ITGAD: variants seen among roughly 807,000 people sequenced by gnomAD.
ITGAD encodes the protein integrin alpha-D.
A neutral mutation model predicts 139.0 loss-of-function variants in ITGAD; 105 were observed. That is an observed-to-expected ratio of 0.76 (90% CI 0.65 to 0.89). The LOEUF is 0.89. Among genes scored for constraint, ITGAD ranks in the 40% least tolerant of loss-of-function variants. The pLI, the probability that ITGAD is intolerant of heterozygous loss-of-function variation, is 0.00. For synonymous variants in ITGAD, 569 were observed against 598.3 expected (o/e 0.95, Z 0.71); for missense variants, 1,384 against 1,487.3 (o/e 0.93, Z 1.14).
At chr16:31,412,023 C>T (rs1407128027) in intron 14 of ITGAD, among the ~76,000 whole-genome samples, 1 of 151,990 alleles carries the variant, frequency 6.6e-6, no homozygotes, top group Non-Finnish European at 1.5e-5. Context: ...CCCAAAGAGC[C>T]CCCTTCTCTG....
intron 2 of ITGAD, among the ~76,000 whole-genome samples, chr16:31,396,969 G>T (rs535603807): frequency 6.7e-6 from 1 of 149,968 alleles, no homozygotes; most frequent in East Asian, 2.0e-4. Flanking sequence ...AACTTGAGAT[G>T]ATCTTATTTC....
rs145399519 is a variant in ITGAD, at chr16:31,414,246, G to GCCAGCCAT, written c.1997-202_1997-201insGCCATCCA. Among the ~76,000 whole-genome samples the GCCAGCCAT allele has an allele frequency of 1.6e-4, 24 of 148,750 alleles. No homozygotes were observed. In the South Asian group the frequency reaches 5.0e-3, roughly 31 times the overall value. On this transcript the variant is annotated intron_variant, in intron 16 of 29. Coordinates refer to ENST00000389202, the MANE Select transcript of ITGAD (RefSeq NM_005353.3). ...CTATCATCTATTTATCTATTATCTAGCCATCCATCCATCCATCCATCCATC... is the reference window on the plus strand; with the variant it reads ...CTATCATCTATTTATCTATTATCTAGCCAGCCATCCATCCATCCATCCATCCATCCATC...
chr16:31,413,071 C>T lies in ITGAD; in HGVS notation c.1839-18C>T, dbSNP rs2081775999. The T allele has an allele frequency of 1.2e-6, 2 of 1,613,750 alleles. No individual in the cohort carries two copies. The highest frequency in any genetic ancestry group is 1.3e-5 in the African/African-American group (1 of 74,908). Reference sequence around the variant, plus strand: ...CCAGAAGCCAGTGTTCTGTCCTCCCCACTACTCTGCCCCTCAGGAGTCTGC... The same window carrying T: ...CCAGAAGCCAGTGTTCTGTCCTCCCTACTACTCTGCCCCTCAGGAGTCTGC... On this transcript the variant is annotated intron_variant, in intron 15 of 29. Transcript: ENST00000389202.
rs1427548176 is a variant in ITGAD, at chr16:31,424,150, G to A, written c.3208G>A (p.Asp1070Asn). The A allele has an allele frequency of 4.3e-6, 7 of 1,614,070 alleles. No homozygotes were observed. The highest frequency in any genetic ancestry group is 2.7e-5 in the African/African-American group (2 of 74,896). The change falls in exon 28 of 30, where the codon GAC (aspartate) becomes AAC (asparagine). Residue 1070 changes from aspartate (D) to asparagine (N), a missense_variant. By Grantham distance (23) the Asp-to-Asn change is conservative. Coordinates refer to ENST00000389202, the MANE Select transcript of ITGAD (RefSeq NM_005353.3). The stretch of plus-strand genomic sequence containing the variant: ...CGTGAGTGTGGCTGAAATTACGTTC[G>A]ACACATCCGTGTACTCCCAGCTTCC... Reference protein sequence around the residue: ...LVVSVAEITFDTSVYSQLPGQ... With the variant: ...LVVSVAEITFNTSVYSQLPGQ...
chr16:31,411,128 G>T lies in ITGAD; in HGVS notation c.1409G>T (p.Gly470Val), dbSNP rs1443642022. The T allele has an allele frequency of 6.2e-7, 1 of 1,613,254 alleles. No homozygotes were observed. The highest frequency in any genetic ancestry group is 1.3e-5 in the African/African-American group (1 of 74,850). ...TGCTCTGTGGATGTGGACAGCGATG[G>T]CAGCACCGACCTGATCCTCATTGGG... ...SLCSVDVDSDGSTDLILIGAP... is the reference protein window; with the variant it reads ...SLCSVDVDSDVSTDLILIGAP... The change falls in exon 13 of 30, where the codon GGC becomes GTC. Residue 470 changes from glycine (G) to valine (V), a missense_variant. Gly to Val is a moderately radical substitution (Grantham distance 109). Coordinates refer to ENST00000389202, the MANE Select transcript of ITGAD (RefSeq NM_005353.3).
rs59637215 is a variant in ITGAD, at chr16:31,395,317, C to CA, written c.137+987dup. ...CCTAGGTGACAGAGTGAGACTCCGT[C>CA]AAAAAAAAAAAGTCATGGGAGAAGG... On this transcript the variant is annotated intron_variant, in intron 2 of 29. Transcript: ENST00000389202. 5.7e-3 allele frequency among the ~76,000 whole-genome samples: 833 copies of CA among 145,464 alleles called. 2 individuals carry two copies. The highest frequency in any genetic ancestry group is 0.014 in the Middle Eastern group (4 of 282).
rs2081579983 is a variant in ITGAD, at chr16:31,407,874, A to G, written c.967A>G (p.Ser323Gly). ...GGTGGACAACTTTGCAGCCCTTGGCAGCATCCAGAAGCAGCTGCAGGAGAA... is the reference window on the plus strand; with the variant it reads ...GGTGGACAACTTTGCAGCCCTTGGCGGCATCCAGAAGCAGCTGCAGGAGAA... ...FKVDNFAALG[S>G]IQKQLQEKIY... The change falls in exon 9 of 30, where the codon AGC (serine) becomes GGC (glycine). Residue 323 changes from serine to glycine, a missense_variant. By Grantham distance (56) the Ser-to-Gly change is moderately conservative. Coordinates refer to ENST00000389202, the MANE Select transcript of ITGAD (RefSeq NM_005353.3). 6.3e-7 allele frequency: 1 copy of G among 1,599,118 alleles called. No individual in the cohort carries two copies. Among genetic ancestry groups the G allele is most frequent in the Non-Finnish European group, 8.6e-7 (1 of 1,167,476 alleles).
intron 20 of ITGAD, 131 bp downstream of exon 20, chr16:31,416,777 A>G: frequency 1.2e-6 from 1 of 831,076 alleles, no homozygotes; most frequent in Non-Finnish European, 1.8e-6. Context: ...ACACACACAC[A>G]TACACACAGA....
chr16:31,408,064 T>G, intron 9 of ITGAD, 148 bp downstream of exon 9: 2 of 796,384 alleles, frequency 2.5e-6, no homozygotes, highest in Non-Finnish European at 3.9e-6. Context: ...CTCTGCCTCC[T>G]GGGTTCAAGT....
intron 29 of ITGAD, 39 bp from the exon 30 acceptor site, chr16:31,425,976 C>G (rs773383619): frequency 6.9e-7 from 1 of 1,444,352 alleles, no homozygotes; most frequent in Admixed American, 1.7e-5. Flanking sequence ...CCACCGGGCC[C>G]GGACTTACCC....
intron 14 of ITGAD, among the ~76,000 whole-genome samples, chr16:31,411,779 G>C (rs2081724258): frequency 6.6e-6 from 1 of 152,242 alleles, no homozygotes; most frequent in Admixed American, 6.5e-5. Context: ...TGTGGCCTTA[G>C]GCAGGTGACT....
intron 1 of ITGAD, 85 bp downstream of exon 1, chr16:31,393,476 C>T (rs899213465): frequency 1.1e-5 from 16 of 1,424,600 alleles, no homozygotes; most frequent in South Asian, 5.7e-5. Context: ...GGCTGGTGGT[C>T]GGCTCCAACC....
chr16:31,406,976 G>C (rs1342848838), intron 7 of ITGAD, among the ~76,000 whole-genome samples: 3 of 152,334 alleles, frequency 2.0e-5, no homozygotes, highest in Middle Eastern at 3.4e-3. Context: ...CTGGGGAAGA[G>C]AGTTCAGCCA....
Position 31,407,805 on chromosome 16 carries a change from C to T in ITGAD, c.898C>T (p.Leu300=). The T allele has an allele frequency of 1.2e-6, 2 of 1,613,962 alleles. No individual in the cohort carries two copies. Among genetic ancestry groups the T allele is most frequent in the South Asian group, 2.2e-5 (2 of 91,078 alleles). ...AFQGPTARQE[L]NTISSAPPQD... The stretch of plus-strand genomic sequence containing the variant: ...CCAGGGACCCACTGCCAGGCAGGAG[C>T]TGAATACCATCAGCTCAGCGCCTCC... The change falls in exon 9 of 30, where the codon CTG becomes TTG. Residue 300 remains leucine, a synonymous_variant. Coordinates refer to ENST00000389202, the MANE Select transcript of ITGAD (RefSeq NM_005353.3).
Position 31,407,686 on chromosome 16 carries a change from C to T in ITGAD, c.858+18C>T, listed in dbSNP as rs1290067379. The T allele has an allele frequency of 6.2e-6, 10 of 1,613,684 alleles. No homozygotes were observed. The highest frequency in any genetic ancestry group is 3.3e-4 in the Middle Eastern group (2 of 6,058). On this transcript the variant is annotated intron_variant, in intron 8 of 29. Transcript: ENST00000389202. ...CTATCGGGGTGCGCCTCTTCTTCACCCCTGCCCCAGGCTCAGCCTGCATCT... is the reference window on the plus strand; with the variant it reads ...CTATCGGGGTGCGCCTCTTCTTCACTCCTGCCCCAGGCTCAGCCTGCATCT...
Position 31,397,346 on chromosome 16 carries a change from G to T in ITGAD, c.138-13G>T. On this transcript the variant is annotated splice_polypyrimidine_tract_variant and intron_variant, in intron 2 of 29. Transcript: ENST00000389202. ...CTGTGGCTGCAGTGACATGGCCATG[G>T]TTGTGTCTCCAGACTCGTGGTGGGA... 6.4e-7 allele frequency: 1 copy of T among 1,570,312 alleles called. No individual in the cohort carries two copies. Among genetic ancestry groups the T allele is most frequent in the Non-Finnish European group, 8.7e-7 (1 of 1,154,040 alleles).
At chr16:31,397,143 T>C (rs528135651) in intron 2 of ITGAD, among the ~76,000 whole-genome samples, 13 of 148,502 alleles carry the variant, frequency 8.8e-5, no homozygotes, top group Non-Finnish European at 1.8e-4. Context: ...TACGTACTTA[T>C]GCACACTCAA....
chr16:31,416,064 C>G (rs1240977768), intron 18 of ITGAD, 149 bp from the exon 19 acceptor site: 12 of 549,592 alleles, frequency 2.2e-5, no homozygotes, highest in Non-Finnish European at 2.9e-5. Flanking sequence ...ATGCCAACCT[C>G]CAAACCGCAC....
At chr16:31,404,715 T>A (rs1449623355) in intron 7 of ITGAD, 4 of 152,224 alleles carry the variant, frequency 2.6e-5, no homozygotes, top group African/African-American at 9.7e-5. Context: ...CAGCCTTTGC[T>A]CCCCAGAGCC....
Sources: gnomAD v4.1 joint callset for allele counts (sites outside exome capture counted in the v4.1 genomes callset) on GRCh38, gnomAD v4.1.1 for gene constraint, MANE v1.5 for transcripts, NCBI Gene and HGNC (gene_info 2026-07-23, HGNC 2026-07-21) for gene names.